Variants in SHISA9 observed in about 807,000 individuals in gnomAD.
The protein encoded by SHISA9 is protein shisa-9.
SHISA9 carries 13 observed loss-of-function variants against 38.0 expected under a neutral mutation model. The ratio of observed to expected loss-of-function variants is 0.34; its 90% CI spans 0.22 to 0.54. The LOEUF is 0.54. Among genes scored for constraint, SHISA9 ranks in the 20% least tolerant of loss-of-function variants. SHISA9 has a pLI of 0.91. For synonymous variants in SHISA9, 275 were observed against 242.0 expected, an observed-to-expected ratio of 1.14 and a Z score of -1.27; for missense variants, 538 against 575.8, an observed-to-expected ratio of 0.93 and a Z score of 0.67.
chr16:13,351,576 A>G, the SHISA9 span, among the ~76,000 whole-genome samples: 1 of 152,066 alleles, frequency 6.6e-6, no homozygotes, highest in Admixed American at 6.6e-5. Flanking sequence ...TGATGAATCC[A>G]AGGAGGATAA....
At chr16:13,032,252 C>T (rs964430975) in intron 2 of SHISA9, among the ~76,000 whole-genome samples, 24 of 152,114 alleles carry the variant, frequency 1.6e-4, no homozygotes, top group African/African-American at 5.8e-4. Context: ...TCAATTCCCA[C>T]TTATGAGTGA....
intron 2 of SHISA9, among the ~76,000 whole-genome samples, chr16:13,179,131 T>C (rs1334607137): frequency 6.6e-6 from 1 of 152,004 alleles, no homozygotes; most frequent in Non-Finnish European, 1.5e-5. Flanking sequence ...GACCAGCCAA[T>C]ATGGCAAAAC....
At chr16:13,253,500 G>A in the SHISA9 span, among the ~76,000 whole-genome samples, 1 of 152,142 alleles carries the variant, frequency 6.6e-6, no homozygotes, top group Non-Finnish European at 1.5e-5. Context: ...GGCTGGGGAG[G>A]CCTCACAATC....
At chr16:13,019,882 CCCTTCTTTCTTTCTTTCTTT>C (rs1482257053) in intron 2 of SHISA9, among the ~76,000 whole-genome samples, 304 of 20,354 alleles carry the variant, frequency 0.015, 18 homozygotes, top group Non-Finnish European at 0.016. Context: ...CTCCCTCCCT[CCCTTCTTTCTTTCTTTCTTT>C]CTTTCTTTCT....
intron 2 of SHISA9, among the ~76,000 whole-genome samples, chr16:13,043,519 AT>A (rs1235138273): frequency 6.6e-6 from 1 of 152,220 alleles, no homozygotes; most frequent in Middle Eastern, 3.2e-3. Context: ...ATGACATTTA[AT>A]GCAAAACACG....
the SHISA9 span, among the ~76,000 whole-genome samples, chr16:13,439,463 G>C: frequency 6.6e-6 from 1 of 152,084 alleles, no homozygotes; most frequent in Non-Finnish European, 1.5e-5. Context: ...GTATCAAATT[G>C]TTGGTTATTT....
At chr16:13,545,264 C>T in the SHISA9 span, among the ~76,000 whole-genome samples, 7 of 152,322 alleles carry the variant, frequency 4.6e-5, no homozygotes, top group East Asian at 1.2e-3. Context: ...TTTGAATCCA[C>T]AGCACTGCCA....
At chr16:13,174,696 A>G (rs1423730195) in intron 2 of SHISA9, among the ~76,000 whole-genome samples, 1 of 152,178 alleles carries the variant, frequency 6.6e-6, no homozygotes, top group Non-Finnish European at 1.5e-5. Context: ...GGTGAGGTGC[A>G]GAGGGAAGAC....
the SHISA9 span, among the ~76,000 whole-genome samples, chr16:13,352,400 G>A: frequency 1.3e-5 from 2 of 152,134 alleles, no homozygotes; most frequent in East Asian, 3.9e-4. Context: ...CAAGTCAACA[G>A]CAAAATTTCT....
At chr16:13,524,130 C>T in the SHISA9 span, among the ~76,000 whole-genome samples, 1 of 152,086 alleles carries the variant, frequency 6.6e-6, no homozygotes, top group Admixed American at 6.6e-5. Context: ...TAACAGGGAC[C>T]TGGTTATGCA....
chr16:13,168,843 A>G (rs1288396737), intron 2 of SHISA9, among the ~76,000 whole-genome samples: 1 of 152,180 alleles, frequency 6.6e-6, no homozygotes, highest in East Asian at 1.9e-4. Context: ...CTCAGCTCTT[A>G]TTTGTTTACC....
intron 2 of SHISA9, among the ~76,000 whole-genome samples, chr16:12,986,278 C>G (rs2072307451): frequency 6.6e-6 from 1 of 152,070 alleles, no homozygotes; most frequent in African/African-American, 2.4e-5. Context: ...AAAGGGTCTC[C>G]CTCTTTCTTT....
At chr16:12,970,300 C>T (rs778554413) in intron 2 of SHISA9, among the ~76,000 whole-genome samples, 1 of 131,122 alleles carries the variant, frequency 7.6e-6, no homozygotes, top group African/African-American at 2.9e-5. Context: ...AAAGTGGACC[C>T]CTATCTCTCA....
chr16:13,387,150 C>G, the SHISA9 span, among the ~76,000 whole-genome samples: 1 of 152,178 alleles, frequency 6.6e-6, no homozygotes, highest in Non-Finnish European at 1.5e-5. Flanking sequence ...GAATTTGCAA[C>G]CAGCACCATG....
chr16:12,960,318 A>C lies in SHISA9; in HGVS notation c.691+43503A>C, dbSNP rs199826679. 4.6e-5 allele frequency among the ~76,000 whole-genome samples: 7 copies of C among 152,282 alleles called. No individual in the cohort carries two copies. The East Asian group carries it at 1.4e-3, about 29-fold the overall frequency. On this transcript the variant is annotated intron_variant, in intron 2 of 4. Transcript: ENST00000558583. ...TTATTTTTTTTAAGTTCCAGGGTAC[A>C]TGTGCAGGATGTGCAGGTTTGTTAT...
the SHISA9 span, among the ~76,000 whole-genome samples, chr16:13,319,484 C>T: frequency 6.6e-6 from 1 of 152,120 alleles, no homozygotes; most frequent in South Asian, 2.1e-4. Flanking sequence ...AATGTTTTAT[C>T]GCACAAGAAT....
chr16:13,511,188 C>T, the SHISA9 span, among the ~76,000 whole-genome samples: 14,682 of 152,146 alleles, frequency 0.096, 949 homozygotes, highest in South Asian at 0.26. Context: ...GAAATAAGAC[C>T]CTTGTACTTC....
chr16:13,223,516 C>G (rs923396951), intron 4 of SHISA9, among the ~76,000 whole-genome samples: 2 of 152,192 alleles, frequency 1.3e-5, no homozygotes, highest in Non-Finnish European at 2.9e-5. Flanking sequence ...TCCTTCTCAA[C>G]ATTCCCAGAT....
At chr16:12,930,958 C>T (rs1348810582) in intron 2 of SHISA9, among the ~76,000 whole-genome samples, 1 of 152,202 alleles carries the variant, frequency 6.6e-6, no homozygotes, top group Non-Finnish European at 1.5e-5. Flanking sequence ...AAATCAAGCA[C>T]TTACCTACTC....
Sources: allele counts gnomAD v4.1 joint callset (sites outside exome capture counted in the v4.1 genomes callset), GRCh38; gene constraint gnomAD v4.1.1; transcripts MANE v1.5; gene names NCBI Gene and HGNC (gene_info 2026-07-23, HGNC 2026-07-21).